Variants in TTLL5 observed in about 807,000 individuals in gnomAD.
TTLL5 encodes tubulin polyglutamylase TTLL5.
A neutral mutation model predicts 168.4 loss-of-function variants in TTLL5; 132 were observed. That is an observed-to-expected ratio of 0.78 (90% CI 0.68 to 0.91). The LOEUF (loss-of-function observed/expected upper bound fraction) is 0.91. Ranked by LOEUF, TTLL5 falls within the 40% of genes least tolerant of loss-of-function variation. The pLI is 0.00. For synonymous variants in TTLL5, 546 were observed against 558.6 expected (o/e 0.98, Z 0.32); for missense variants, 1,545 against 1,581.5 (o/e 0.98, Z 0.39).
chr14:75,849,172 C>T (rs1896712713), intron 28 of TTLL5, among the ~76,000 whole-genome samples: 1 of 152,234 alleles, frequency 6.6e-6, no homozygotes, highest in Non-Finnish European at 1.5e-5. Flanking sequence ...AAACATCTCC[C>T]TCCCCAGCAT....
At chr14:75,798,408 A>AT (rs1893106915) in intron 27 of TTLL5, among the ~76,000 whole-genome samples, 1 of 145,962 alleles carries the variant, frequency 6.9e-6, no homozygotes. Context: ...AAAGAACCAG[A>AT]TTTTTGTTTC....
intron 28 of TTLL5, among the ~76,000 whole-genome samples, chr14:75,860,752 C>T (rs1232682950): frequency 1.3e-5 from 2 of 152,150 alleles, no homozygotes; most frequent in Admixed American, 6.5e-5. Context: ...CTTTCGTTCA[C>T]AGCTCACTCC....
At chr14:75,828,352 C>T (rs563019474) in intron 28 of TTLL5, among the ~76,000 whole-genome samples, 27 of 152,158 alleles carry the variant, frequency 1.8e-4, no homozygotes, top group Admixed American at 5.2e-4. Flanking sequence ...CTGAGGATGA[C>T]GAGAATGAAG....
chr14:75,782,319 T>G (rs1892107911), intron 24 of TTLL5, among the ~76,000 whole-genome samples, 168 bp from the exon 25 acceptor site: 1 of 152,168 alleles, frequency 6.6e-6, no homozygotes, highest in African/African-American at 2.4e-5. Flanking sequence ...GGTTGCCTAC[T>G]CCTTAGGGCT....
intron 10 of TTLL5, among the ~76,000 whole-genome samples, chr14:75,718,341 T>A (rs1887604330): frequency 6.6e-6 from 1 of 152,220 alleles, no homozygotes; most frequent in Non-Finnish European, 1.5e-5. Context: ...TTTGACCCCA[T>A]GGTTCCATTT....
chr14:75,773,961 G>T (rs67242088), intron 21 of TTLL5, among the ~76,000 whole-genome samples: 6 of 43,202 alleles, frequency 1.4e-4, no homozygotes, highest in Admixed American at 3.1e-4. Flanking sequence ...GAGAGAAAGA[G>T]AGAGAGAGAG....
chr14:75,895,723 A>G (rs1595225248), intron 30 of TTLL5, among the ~76,000 whole-genome samples: 1 of 152,208 alleles, frequency 6.6e-6, no homozygotes, highest in East Asian at 1.9e-4. Flanking sequence ...GACAAGAAGG[A>G]TTAAAAATAA....
chr14:75,872,722 C>T (rs921985026), intron 29 of TTLL5, among the ~76,000 whole-genome samples: 1 of 151,970 alleles, frequency 6.6e-6, no homozygotes, highest in Admixed American at 6.5e-5. Context: ...CCAGCCTGAC[C>T]ACCGTGGAGA....
chr14:75,869,197 T>C (rs2030808068), intron 29 of TTLL5, among the ~76,000 whole-genome samples: 2 of 152,184 alleles, frequency 1.3e-5, no homozygotes, highest in African/African-American at 2.4e-5. Context: ...ACTTAGTGTC[T>C]AGCTTTTAGT....
In TTLL5 at chr14:75,731,372, CAT is replaced by C. The variant is rs1483689332; in HGVS notation, c.1043-964_1043-963del. Among the ~76,000 whole-genome samples, 157 of 69,094 alleles carry C rather than the reference CAT, an allele frequency of 2.3e-3. 2 individuals carry two copies. The highest frequency in any genetic ancestry group is 7.4e-3 in the African/African-American group (141 of 18,928). The allele number at this position is 69,094 out of a possible 152,430, so 45.3% of individuals were successfully genotyped here. ...AGATATAGCTATAAATATACACATACATACACACACACACACACACACACACA... is the reference window on the plus strand; with the variant it reads ...AGATATAGCTATAAATATACACATACACACACACACACACACACACACACA... On this transcript the variant is annotated intron_variant, in intron 12 of 31. Transcript: ENST00000298832.
At chr14:75,926,652 AG>A (rs2034081216) in intron 31 of TTLL5, among the ~76,000 whole-genome samples, 1 of 152,254 alleles carries the variant, frequency 6.6e-6, no homozygotes. Flanking sequence ...ATCAAAAGAC[AG>A]GTAATAACAA....
intron 3 of TTLL5, among the ~76,000 whole-genome samples, chr14:75,679,350 A>G (rs1290973338): frequency 2.0e-5 from 3 of 152,242 alleles, no homozygotes; most frequent in Non-Finnish European, 4.4e-5. Flanking sequence ...ATAAGCCATA[A>G]GCCAAGGAAT....
chr14:75,923,792 T>C lies in TTLL5; in HGVS notation c.3823+21568T>C, dbSNP rs566384335. 2.6e-5 allele frequency among the ~76,000 whole-genome samples: 4 copies of C among 152,228 alleles called. No individual in the cohort carries two copies. The South Asian group carries it at 8.3e-4, about 32-fold the overall frequency. ...TTAATTTTCTGTCTTGTTGATCTAA[T>C]ATTGACAGTGGGGTGTTAAAGTCTT... On this transcript the variant is annotated intron_variant, in intron 31 of 31. Coordinates refer to ENST00000298832, the MANE Select transcript of TTLL5 (RefSeq NM_015072.5).
intron 4 of TTLL5, among the ~76,000 whole-genome samples, chr14:75,682,678 T>C (rs1884712273): frequency 6.6e-6 from 1 of 151,970 alleles, no homozygotes; most frequent in Non-Finnish European, 1.5e-5. Flanking sequence ...AACAGACACT[T>C]CCACTATAGA....
In TTLL5 at chr14:75,664,556, A is replaced by T. The variant is rs187393301; in HGVS notation, c.74+1333A>T. On this transcript the variant is annotated intron_variant, in intron 2 of 31. Coordinates refer to ENST00000298832, the MANE Select transcript of TTLL5 (RefSeq NM_015072.5). ...TTTTACTGGTTTTAATATTGAATTT[A>T]TGGTGGGCTTCTTGTAAGATACAAG... Among the ~76,000 whole-genome samples, 218 of 152,332 alleles carry T rather than the reference A, an allele frequency of 1.4e-3. 1 individual carries two copies. Among genetic ancestry groups the T allele is most frequent in the African/African-American group, 5.1e-3 (213 of 41,580 alleles).
At chr14:75,782,822 G>T (rs1892135579) in intron 25 of TTLL5, among the ~76,000 whole-genome samples, 2 of 152,172 alleles carry the variant, frequency 1.3e-5, no homozygotes, top group Admixed American at 6.5e-5. Flanking sequence ...GAAAAGAAGG[G>T]GGAGAGGAAT....
At chr14:75,756,883 A>G (rs921776266) in intron 18 of TTLL5, among the ~76,000 whole-genome samples, 2 of 152,250 alleles carry the variant, frequency 1.3e-5, no homozygotes, top group African/African-American at 2.4e-5. Context: ...CTATTTTAAC[A>G]TGAATAGCAC....
rs1206960860 is a variant in TTLL5, at chr14:75,737,426, A to G, written c.1281+2137A>G. ...AGAAAATAAATGTTCTAACCTTCCA[A>G]CCACAAAGTGTAGGGCTCTTGCTTT... On this transcript the variant is annotated intron_variant, in intron 15 of 31. Transcript: ENST00000298832. 9.6e-6 allele frequency: 7 copies of G among 728,716 alleles called. 1 individual carries two copies. The East Asian group carries it at 1.1e-4, about 12-fold the overall frequency. 45.1% of individuals were successfully genotyped at this position (728,716 alleles called of 1,614,324 possible). A position where few individuals can be genotyped will look rare whatever the true frequency, so the allele number is the denominator to read the frequency against.
chr14:75,764,856 G>A, intron 19 of TTLL5, 84 bp downstream of exon 19: 1 of 1,510,454 alleles, frequency 6.6e-7, no homozygotes, highest in Non-Finnish European at 9.1e-7. Flanking sequence ...AGTATTTCAT[G>A]AGTCAGAATC....
Sources: gnomAD v4.1 joint callset for allele counts (sites outside exome capture counted in the v4.1 genomes callset) on GRCh38, gnomAD v4.1.1 for gene constraint, MANE v1.5 for transcripts, NCBI Gene and HGNC (gene_info 2026-07-23, HGNC 2026-07-21) for gene names.